The following NSFL1C variants were observed in gnomAD, a reference collection of about 807,000 sequenced individuals.
NSFL1C encodes NSFL1 cofactor p47.
Under a neutral mutation model 43.1 loss-of-function variants are expected in NSFL1C, and 14 were observed. The ratio of observed to expected loss-of-function variants is 0.32; its 90% CI spans 0.21 to 0.51. The LOEUF is 0.51. Among genes scored for constraint, NSFL1C ranks in the 20% least tolerant of loss-of-function variants. The pLI, the probability that NSFL1C is intolerant of heterozygous loss-of-function variation, is 0.98. For missense variants in NSFL1C, 406 were observed against 472.5 expected, an observed-to-expected ratio of 0.86 and a Z score of 1.30; for synonymous variants, 171 against 183.5, an observed-to-expected ratio of 0.93 and a Z score of 0.55.
At chr20:1,454,821 G>A in intron 4 of NSFL1C, 146 bp downstream of exon 4, 1 of 855,300 alleles carries the variant, frequency 1.2e-6, no homozygotes, top group African/African-American at 1.7e-5. Context: ...TAAAGGGTGA[G>A]ATAAACTACA....
chr20:1,455,278 AG>A, intron 3 of NSFL1C, 146 bp from the exon 4 acceptor site: 1 of 900,556 alleles, frequency 1.1e-6, no homozygotes, highest in Non-Finnish European at 1.8e-6. Context: ...ACATGGAAGG[AG>A]GCAAGCAGGT....
intron 1 of NSFL1C, among the ~76,000 whole-genome samples, chr20:1,465,438 A>G (rs2090489702): frequency 6.6e-6 from 1 of 152,252 alleles, no homozygotes; most frequent in African/African-American, 2.4e-5. Flanking sequence ...GAGGGGAACG[A>G]GACAGAAGAT....
chr20:1,444,018 A>C, intron 8 of NSFL1C, 107 bp from the exon 9 acceptor site: 1 of 1,238,704 alleles, frequency 8.1e-7, no homozygotes, highest in Non-Finnish European at 1.1e-6. Flanking sequence ...CTTTCTCCAC[A>C]GAACAGCGAA....
chr20:1,466,808 T>C lies in NSFL1C; in HGVS notation c.17A>G (p.Gln6Arg), dbSNP rs1434858162. 2.6e-6 allele frequency: 4 copies of C among 1,547,902 alleles called. No individual in the cohort carries two copies. The East Asian group carries it at 1.0e-4, about 39-fold the overall frequency. Residue 6 changes from glutamine to arginine, a missense_variant, in exon 1 of 9, where the codon CAG (glutamine) becomes CGG (arginine). Gln to Arg is a conservative substitution (Grantham distance 43). Around this residue, in one of 3 missense-constraint regions of NSFL1C, gnomAD observed 203 missense variants for 216.3 expected, o/e 0.94. Transcript: ENST00000216879. MAAERQEALREFVAVT... is the reference protein window; with the variant it reads MAAERREALREFVAVT... ...CGCCACGAACTCCCTCAGCGCCTCC[T>C]GTCGCTCCGCCGCCATCTTCGCCCC... is the stretch of plus-strand genomic sequence containing the variant.
rs367912624 is a variant in NSFL1C at position 1,464,280 on chromosome 20, C to A, written c.203+49G>T. The A allele has an allele frequency of 3.2e-6, 5 of 1,544,070 alleles. No homozygotes were observed. The African/African-American group carries it at 6.8e-5, about 21-fold the overall frequency. On this transcript the variant is annotated intron_variant, in intron 2 of 8. Coordinates refer to ENST00000216879, the MANE Select transcript of NSFL1C (RefSeq NM_016143.5). ...ACGCTCTGGTCAGAAAATAGCTCCT[C>A]TTCACTGCTGGAAACACTCATGTAG...
intron 7 of NSFL1C, among the ~76,000 whole-genome samples, chr20:1,449,038 A>G (rs781148670): frequency 1.5e-4 from 23 of 152,228 alleles, no homozygotes; most frequent in Non-Finnish European, 2.6e-4. Flanking sequence ...CTATGTGGCT[A>G]TGCAAGAATA....
At chr20:1,459,973 G>C (rs1366925415) in intron 2 of NSFL1C, among the ~76,000 whole-genome samples, 3 of 152,152 alleles carry the variant, frequency 2.0e-5, no homozygotes, top group Non-Finnish European at 2.9e-5. Context: ...CTCTGCTATG[G>C]CTTTGTTTCT....
chr20:1,445,826 C>T lies in NSFL1C; in HGVS notation c.790G>A (p.Ala264Thr). The T allele has an allele frequency of 6.2e-7, 1 of 1,613,870 alleles. No homozygotes were observed. The highest frequency in any genetic ancestry group is 8.5e-7 in the Non-Finnish European group (1 of 1,179,930). ...TGEGQKLGST[A>T]PQVLSTSSPA... ...GAGCTGGTACTCAACACCTGGGGGG[C>T]AGTGCTGAGGAGAGAGGATGGCATC... The change falls in exon 8 of 9, where the codon GCC (alanine) becomes ACC (threonine). Residue 264 changes from alanine to threonine, a missense_variant. Around this residue, in one of 3 missense-constraint regions of NSFL1C, gnomAD observed 196 missense variants for 228.0 expected, o/e 0.86. Transcript: ENST00000216879.
chr20:1,460,067 T>C (rs1479625774), intron 2 of NSFL1C, among the ~76,000 whole-genome samples: 1 of 152,228 alleles, frequency 6.6e-6, no homozygotes, highest in Non-Finnish European at 1.5e-5. Context: ...ATCCCAATTC[T>C]GCCTCCTACC....
chr20:1,453,646 C>T (rs188929984), intron 5 of NSFL1C, among the ~76,000 whole-genome samples: 112 of 152,204 alleles, frequency 7.4e-4, no homozygotes, highest in Admixed American at 5.5e-3. Flanking sequence ...TTTCTTCTTG[C>T]TTGACTTTAT....
chr20:1,458,465 A>G (rs1237885965), intron 2 of NSFL1C, among the ~76,000 whole-genome samples, 191 bp from the exon 3 acceptor site: 1 of 152,222 alleles, frequency 6.6e-6, no homozygotes, highest in Non-Finnish European at 1.5e-5. Flanking sequence ...TCAAGATCAC[A>G]CAGATTGAGT....
chr20:1,444,649 A>G (rs1300178327), intron 8 of NSFL1C, among the ~76,000 whole-genome samples: 1 of 152,192 alleles, frequency 6.6e-6, no homozygotes, highest in African/African-American at 2.4e-5. Context: ...TGGCACATCT[A>G]AGGGCATGGA....
At chr20:1,462,942 G>A (rs1179647668) in intron 2 of NSFL1C, among the ~76,000 whole-genome samples, 2 of 152,188 alleles carry the variant, frequency 1.3e-5, no homozygotes, top group Non-Finnish European at 2.9e-5. Context: ...CACATGCTGT[G>A]TTCTATTTGC....
At chr20:1,463,868 A>T in intron 2 of NSFL1C, 1 of 156,056 alleles carries the variant, frequency 6.4e-6, no homozygotes, top group Non-Finnish European at 1.4e-5. Flanking sequence ...ACCTAGTAAG[A>T]CAAGGTCTCC....
At chr20:1,459,711 G>C (rs150848777) in intron 2 of NSFL1C, among the ~76,000 whole-genome samples, 7 of 152,314 alleles carry the variant, frequency 4.6e-5, no homozygotes, top group Non-Finnish European at 8.8e-5. Flanking sequence ...CCTGAGAACA[G>C]TCTGCCGGGC....
intron 7 of NSFL1C, among the ~76,000 whole-genome samples, chr20:1,448,264 G>A (rs2090109508): frequency 1.3e-5 from 2 of 152,214 alleles, no homozygotes; most frequent in Admixed American, 1.3e-4. Flanking sequence ...AATGGCACAA[G>A]CTTTGGAGCT....
intron 3 of NSFL1C, 120 bp downstream of exon 3, chr20:1,458,080 C>T (rs557205757): frequency 4.9e-6 from 4 of 816,966 alleles, no homozygotes; most frequent in Admixed American, 1.8e-5. Flanking sequence ...CACAGACCAG[C>T]CCACAGTAGT....
At chr20:1,448,850 C>T (rs2090126223) in intron 7 of NSFL1C, among the ~76,000 whole-genome samples, 2 of 152,220 alleles carry the variant, frequency 1.3e-5, no homozygotes, top group African/African-American at 4.8e-5. Context: ...GCTCTCCATC[C>T]TGTGCTCTTC....
chr20:1,453,182 G>A (rs760041238), intron 5 of NSFL1C, 42 bp from the exon 6 acceptor site: 1 of 1,163,262 alleles, frequency 8.6e-7, no homozygotes, highest in Admixed American at 1.7e-5. Flanking sequence ...GATCTGGCAA[G>A]CATACCAATT....
Sources: gnomAD v4.1 joint callset for allele counts (sites outside exome capture counted in the v4.1 genomes callset) on GRCh38, gnomAD v4.1.1 for gene constraint, gnomAD v4.1.1 regional missense constraint, MANE v1.5 for transcripts, NCBI Gene and HGNC (gene_info 2026-07-23, HGNC 2026-07-21) for gene names.